The following PCDHGA8 variants were observed in gnomAD, a reference collection of about 807,000 sequenced individuals.
PCDHGA8 encodes the protein protocadherin gamma-A8.
PCDHGA8 carries 45 observed loss-of-function variants against 59.2 expected under a neutral mutation model. That is an observed-to-expected ratio of 0.76 (90% CI 0.60 to 0.98). PCDHGA8 has a LOEUF of 0.98. PCDHGA8 is among the 50% of genes least tolerant of loss of function. The pLI is 0.00. For missense variants in PCDHGA8, 1,257 were observed against 1,196.2 expected (o/e 1.05, Z -0.75); for synonymous variants, 531 against 519.0 (o/e 1.02, Z -0.32).
At position 141,399,350 on chromosome 5, in the gene PCDHGA8, G is replaced by A. The variant is rs746925566; in HGVS notation, c.2424+4113G>A. On this transcript the variant is annotated intron_variant, in intron 1 of 3. Transcript: ENST00000398604. ...TTGGTAACAGATGGAACCCTAGACC[G>A]AGAGCAAACCCCGGAGTACAATGTC... is the stretch of plus-strand genomic sequence containing the variant. The A allele has an allele frequency of 6.8e-6, 11 of 1,613,966 alleles. No individual in the cohort carries two copies. The South Asian group carries it at 1.1e-4, about 16-fold the overall frequency.
Position 141,489,351 on chromosome 5 carries a change from G to A in PCDHGA8, c.2425-5456G>A, listed in dbSNP as rs2099685862. ...GGCAGCTTCGTTACTCAGTGGTGGAGGAGTCTGAGCCGGGGACGCTGGTGG... is the reference window on the plus strand; with the variant it reads ...GGCAGCTTCGTTACTCAGTGGTGGAAGAGTCTGAGCCGGGGACGCTGGTGG... On this transcript the variant is annotated intron_variant, in intron 1 of 3. Transcript: ENST00000398604. This position sits in a 1 kb window ranked among gnomAD's most constrained non-coding sequence, Gnocchi z 4.5. The A allele has an allele frequency of 6.2e-7, 1 of 1,612,202 alleles. No individual in the cohort carries two copies. The highest frequency in any genetic ancestry group is 1.3e-5 in the African/African-American group (1 of 75,006).
chr5:141,478,435 G>A, intron 1 of PCDHGA8: 1 of 1,613,736 alleles, frequency 6.2e-7, no homozygotes, highest in Non-Finnish European at 8.5e-7. Context: ...ACCCGCTGCT[G>A]AAGAAACCTG....
intron 1 of PCDHGA8, chr5:141,422,710 G>T: frequency 6.2e-7 from 1 of 1,603,486 alleles, no homozygotes; most frequent in African/African-American, 1.3e-5. Context: ...TCTGACGGAT[G>T]ACACTGTCCA....
rs1333419586 is a variant in PCDHGA8 at position 141,485,206 on chromosome 5, C to T, written c.2425-9601C>T. 1 of 1,614,116 alleles carries T rather than the reference C, an allele frequency of 6.2e-7. No individual in the cohort carries two copies. The highest frequency in any genetic ancestry group is 8.5e-7 in the Non-Finnish European group (1 of 1,179,946). ...GCAAGGTGAGAAGCTGGACAGAAAT[C>T]TGGCGGTGGGCTACCCTTTTGTTCC... On this transcript the variant is annotated intron_variant, in intron 1 of 3. Coordinates refer to ENST00000398604, the MANE Select transcript of PCDHGA8 (RefSeq NM_032088.2). The surrounding 1 kb of genome is among the most constrained non-coding windows in gnomAD (Gnocchi z 5.7).
chr5:141,431,420 G>A lies in PCDHGA8; in HGVS notation c.2424+36183G>A, dbSNP rs780266425. ...TACGGCCTCCGACGGGGGCGACCCG[G>A]TGCGCACAGGCACCGCGCGCATCCG... On this transcript the variant is annotated intron_variant, in intron 1 of 3. Coordinates refer to ENST00000398604, the MANE Select transcript of PCDHGA8 (RefSeq NM_032088.2). The surrounding 1 kb of genome is among the most constrained non-coding windows in gnomAD (Gnocchi z 4.8). 5 of 1,613,592 alleles carry A rather than the reference G, an allele frequency of 3.1e-6. No homozygotes were observed. The highest frequency in any genetic ancestry group is 3.4e-6 in the Non-Finnish European group (4 of 1,180,050).
rs2098680935 is a variant in PCDHGA8, at chr5:141,450,471, G to A, written c.2425-44336G>A. 2.0e-5 allele frequency among the ~76,000 whole-genome samples: 3 copies of A among 147,910 alleles called. No homozygotes were observed. In the South Asian group the frequency reaches 6.2e-4, roughly 31 times the overall value. ...GTTTCCTCGTGATTTTATATATAGA[G>A]TTTGTTTGTTTGTTTGTCTGTTTGT... On this transcript the variant is annotated intron_variant, in intron 1 of 3. Transcript: ENST00000398604.
chr5:141,453,287 A>T (rs900058377), intron 1 of PCDHGA8, among the ~76,000 whole-genome samples: 1 of 151,368 alleles, frequency 6.6e-6, no homozygotes, highest in Non-Finnish European at 1.5e-5. Context: ...CTAATTTTTT[A>T]ATTATTTATT....
At position 141,430,677 on chromosome 5, in the gene PCDHGA8, T is replaced by C. The variant is rs888907330; in HGVS notation, c.2424+35440T>C. On this transcript the variant is annotated intron_variant, in intron 1 of 3. Coordinates refer to ENST00000398604, the MANE Select transcript of PCDHGA8 (RefSeq NM_032088.2). ...AACGGAGGAGCTCTGACTTCCCAAC[T>C]GTCCCATTCTATGGGCGAAGGAACT... 1.2e-5 allele frequency: 15 copies of C among 1,303,020 alleles called. No individual in the cohort carries two copies. In the African/African-American group the frequency reaches 2.1e-4, roughly 18 times the overall value. The allele number at this position is 1,303,020 out of a possible 1,614,324, so 80.7% of individuals were successfully genotyped here. A position where few individuals can be genotyped will look rare whatever the true frequency, so the allele number is the denominator to read the frequency against.
At chr5:141,414,533 C>A in intron 1 of PCDHGA8, 1 of 1,613,960 alleles carries the variant, frequency 6.2e-7, no homozygotes, top group Non-Finnish European at 8.5e-7. Context: ...AATGACAACC[C>A]ACCTACCTTC....
At chr5:141,415,476 G>A (rs765634887) in intron 1 of PCDHGA8, 1 of 1,614,076 alleles carries the variant, frequency 6.2e-7, no homozygotes. Context: ...CCGCGGACTC[G>A]CGAAAGAGTC....
chr5:141,428,238 G>A lies in PCDHGA8; in HGVS notation c.2424+33001G>A, dbSNP rs775703660. On this transcript the variant is annotated intron_variant, in intron 1 of 3. Transcript: ENST00000398604. ...TAGTCTTCGCAGACAGCCTGCAGGA[G>A]GCACTGCCAGACTTCAGTGACAGTC... 1.0e-5 allele frequency: 10 copies of A among 998,180 alleles called. No individual in the cohort carries two copies. The South Asian group carries it at 1.3e-4, about 13-fold the overall frequency. The allele number at this position is 998,180 out of a possible 1,614,324, so 61.8% of individuals were successfully genotyped here. A position where few individuals can be genotyped will look rare whatever the true frequency, so the allele number is the denominator to read the frequency against.
At chr5:141,417,972 C>T (rs2154547391) in intron 1 of PCDHGA8, 2 of 1,613,830 alleles carry the variant, frequency 1.2e-6, no homozygotes, top group Admixed American at 1.7e-5. Flanking sequence ...TACTCGATTC[C>T]GGAGGAGCTG....
Position 141,392,649 on chromosome 5 carries a change from C to G in PCDHGA8, c.-165C>G. 1 of 703,200 alleles carries G rather than the reference C, an allele frequency of 1.4e-6. No homozygotes were observed. The highest frequency in any genetic ancestry group is 2.2e-6 in the Non-Finnish European group (1 of 447,202). 43.6% of individuals were successfully genotyped at this position (703,200 alleles called of 1,614,324 possible). ...TCAGATCTCACACCTCACGAAGACC[C>G]GCAGATGCCACAAACTAACTGCTGG... On this transcript the variant is annotated 5_prime_UTR_variant, in exon 1 of 4. Transcript: ENST00000398604.
At chr5:141,423,107 T>G (rs1590430250) in intron 1 of PCDHGA8, 1 of 1,613,696 alleles carries the variant, frequency 6.2e-7, no homozygotes, top group East Asian at 2.2e-5. Flanking sequence ...ACGGGCGAGG[T>G]GCGTACAGCG....
chr5:141,413,033 T>G, intron 1 of PCDHGA8: 1 of 776,760 alleles, frequency 1.3e-6, no homozygotes, highest in Non-Finnish European at 2.0e-6. Context: ...ACAAACCGGC[T>G]GCTGGGCTGC....
chr5:141,506,834 C>T (rs2099856597), intron 3 of PCDHGA8, among the ~76,000 whole-genome samples: 1 of 152,140 alleles, frequency 6.6e-6, no homozygotes, highest in Non-Finnish European at 1.5e-5. Flanking sequence ...ACTGATAGCC[C>T]TGCCCTCCAG....
chr5:141,422,117 C>A, intron 1 of PCDHGA8: 1 of 1,604,272 alleles, frequency 6.2e-7, no homozygotes, highest in East Asian at 2.2e-5. Context: ...CAATTGGATT[C>A]ACAAACTGGA....
At position 141,392,696 on chromosome 5, in the gene PCDHGA8, T is replaced by A; in HGVS notation, c.-118T>A. 8.2e-7 allele frequency: 1 copy of A among 1,212,692 alleles called. No individual in the cohort carries two copies. 75.1% of individuals were successfully genotyped at this position (1,212,692 alleles called of 1,614,324 possible). A position where few individuals can be genotyped will look rare whatever the true frequency, so the allele number is the denominator to read the frequency against. On this transcript the variant is annotated 5_prime_UTR_variant, in exon 1 of 4. Transcript: ENST00000398604. Reference sequence around the variant, plus strand: ...CTGGACTGCAGCGAAACCCGACCCCTGTTTGGAGGCACTCCAGGTTTCCGG... The same window carrying A: ...CTGGACTGCAGCGAAACCCGACCCCAGTTTGGAGGCACTCCAGGTTTCCGG...
At position 141,421,819 on chromosome 5, in the gene PCDHGA8, G is replaced by C. The variant is rs752366104; in HGVS notation, c.2424+26582G>C. The C allele has an allele frequency of 3.8e-5, 61 of 1,613,688 alleles. No homozygotes were observed. Among genetic ancestry groups the C allele is most frequent in the Non-Finnish European group, 4.9e-5 (58 of 1,179,892 alleles). ...GGCCAAGAATCCAGAGCTAGTACTG[G>C]AGGGAAGCCTGGACCGAGAGAAAGA... On this transcript the variant is annotated intron_variant, in intron 1 of 3. Coordinates refer to ENST00000398604, the MANE Select transcript of PCDHGA8 (RefSeq NM_032088.2).
Sources: gnomAD v4.1 joint callset for allele counts (sites outside exome capture counted in the v4.1 genomes callset) on GRCh38, gnomAD v4.1.1 for gene constraint, Gnocchi (gnomAD v3.1) non-coding constraint, MANE v1.5 for transcripts, NCBI Gene and HGNC (gene_info 2026-07-23, HGNC 2026-07-21) for gene names.